Variants in STXBP5L observed in about 807,000 individuals in gnomAD.
The protein encoded by STXBP5L is syntaxin-binding protein 5-like.
STXBP5L carries 65 observed loss-of-function variants against 144.5 expected under a neutral mutation model. That is an observed-to-expected ratio of 0.45 (90% confidence interval 0.37 to 0.55). STXBP5L has a LOEUF of 0.55. STXBP5L is among the 20% of genes least tolerant of loss of function. STXBP5L has a pLI of 0.00. For synonymous variants in STXBP5L, 505 were observed against 469.6 expected (o/e 1.08, Z -0.97); for missense variants, 1,298 against 1,405.5 (o/e 0.92, Z 1.22).
intron 23 of STXBP5L, among the ~76,000 whole-genome samples, chr3:121,408,429 TCA>T (rs2047043216): frequency 6.6e-6 from 1 of 150,780 alleles, no homozygotes; most frequent in Non-Finnish European, 1.5e-5. Context: ...CTTAAGAAAC[TCA>T]CTGTCTAACT....
At position 121,045,539 on chromosome 3, in the gene STXBP5L, A is replaced by G. The variant is rs1273523138; in HGVS notation, c.470+4A>G. The G allele has an allele frequency of 1.2e-6, 2 of 1,604,586 alleles. No individual in the cohort carries two copies. The highest frequency in any genetic ancestry group is 8.5e-7 in the Non-Finnish European group (1 of 1,176,988). ...CTCTTAAATTTAACCGGGAACGGTA[A>G]GAACCTATGAATTAAACAATTTCTT... On this transcript the variant is annotated splice_donor_region_variant and intron_variant, in intron 5 of 26. Transcript: ENST00000471454.
At chr3:121,281,253 T>C (rs543196020) in intron 19 of STXBP5L, among the ~76,000 whole-genome samples, 2 of 151,984 alleles carry the variant, frequency 1.3e-5, no homozygotes, top group South Asian at 4.1e-4. Context: ...AATTTCTCTT[T>C]CAGAAACCAA....
At chr3:121,370,788 A>G (rs891591447) in intron 20 of STXBP5L, among the ~76,000 whole-genome samples, 4 of 152,146 alleles carry the variant, frequency 2.6e-5, no homozygotes, top group Non-Finnish European at 5.9e-5. Flanking sequence ...TCCTCAGCTT[A>G]GTCTATTCTG....
intron 5 of STXBP5L, among the ~76,000 whole-genome samples, chr3:121,068,374 C>A (rs2041647845): frequency 1.3e-5 from 2 of 152,268 alleles, no homozygotes; most frequent in African/African-American, 4.8e-5. Flanking sequence ...AGGTTTTTAT[C>A]TGCCATATTT....
chr3:120,923,843 A>G (rs935668091), intron 2 of STXBP5L, among the ~76,000 whole-genome samples: 1 of 152,152 alleles, frequency 6.6e-6, no homozygotes, highest in Non-Finnish European at 1.5e-5. Flanking sequence ...ATAAATGCCA[A>G]TTAGGCCTAT....
intron 2 of STXBP5L, among the ~76,000 whole-genome samples, chr3:120,929,154 T>C (rs911878718): frequency 6.6e-6 from 1 of 152,148 alleles, no homozygotes; most frequent in African/African-American, 2.4e-5. Context: ...GGAAGTGTTG[T>C]GAATGAGGGA....
At chr3:121,075,464 A>T (rs887622466) in intron 5 of STXBP5L, among the ~76,000 whole-genome samples, 1 of 152,026 alleles carries the variant, frequency 6.6e-6, no homozygotes, top group Non-Finnish European at 1.5e-5. Context: ...CCTCATCTTG[A>T]TTTACAAACA....
chr3:121,371,553 G>A (rs147517512), intron 20 of STXBP5L, among the ~76,000 whole-genome samples: 1 of 152,186 alleles, frequency 6.6e-6, no homozygotes, highest in Non-Finnish European at 1.5e-5. Context: ...GCAGCAGGGT[G>A]CTGGTAGGTA....
intron 13 of STXBP5L, among the ~76,000 whole-genome samples, chr3:121,239,758 A>C (rs2049605275): frequency 6.6e-6 from 1 of 150,730 alleles, no homozygotes; most frequent in Non-Finnish European, 1.5e-5. Flanking sequence ...ACCTAATGCT[A>C]GATGACGAGT....
At chr3:120,989,030 A>G (rs1488563466) in intron 3 of STXBP5L, among the ~76,000 whole-genome samples, 2 of 152,082 alleles carry the variant, frequency 1.3e-5, no homozygotes, top group Admixed American at 6.6e-5. Flanking sequence ...ATTCCATGGA[A>G]TATATATACA....
intron 9 of STXBP5L, among the ~76,000 whole-genome samples, chr3:121,186,250 C>T (rs1476605909): frequency 9.2e-5 from 14 of 152,210 alleles, no homozygotes; most frequent in Admixed American, 6.5e-4. Context: ...CAAACAGGGA[C>T]AATTTGACTT....
At chr3:120,990,975 C>G (rs1389664174) in intron 3 of STXBP5L, among the ~76,000 whole-genome samples, 2 of 152,180 alleles carry the variant, frequency 1.3e-5, no homozygotes, top group Admixed American at 6.5e-5. Context: ...CCAAAACTGA[C>G]AAATGGGATC....
intron 3 of STXBP5L, among the ~76,000 whole-genome samples, chr3:120,984,208 C>G (rs1234941322): frequency 6.6e-6 from 1 of 152,314 alleles, no homozygotes; most frequent in Admixed American, 6.5e-5. Flanking sequence ...GGTCTAGAGT[C>G]TCTGTGAGTG....
At position 121,219,181 on chromosome 3, in the gene STXBP5L, G is replaced by A. The variant is rs149023771; in HGVS notation, c.957-3822G>A. ...ACTACTTTATTACCTCTGGAGCTTA[G>A]CACACAAGGAGGTTAAAAAGCAGAG... is the stretch of plus-strand genomic sequence containing the variant. On this transcript the variant is annotated intron_variant, in intron 10 of 26. Transcript: ENST00000471454. Among the ~76,000 whole-genome samples, 70 of 152,190 alleles carry A rather than the reference G, an allele frequency of 4.6e-4. 1 individual carries two copies. The highest frequency in any genetic ancestry group is 1.5e-3 in the African/African-American group (64 of 41,516).
intron 5 of STXBP5L, among the ~76,000 whole-genome samples, chr3:121,093,511 G>T (rs1003562561): frequency 6.6e-6 from 1 of 152,204 alleles, no homozygotes; most frequent in Non-Finnish European, 1.5e-5. Flanking sequence ...GAGGGTATAT[G>T]TGTCGAGGAA....
chr3:121,327,595 T>C (rs1200990842), intron 20 of STXBP5L, among the ~76,000 whole-genome samples: 1 of 152,206 alleles, frequency 6.6e-6, no homozygotes, highest in Non-Finnish European at 1.5e-5. Context: ...TGTAACTAGG[T>C]AAGTGATTAA....
chr3:121,392,768 G>C (rs1420471899), intron 22 of STXBP5L, among the ~76,000 whole-genome samples: 1 of 61,434 alleles, frequency 1.6e-5, no homozygotes, highest in African/African-American at 6.1e-5. Flanking sequence ...AGTATTTCAT[G>C]GCATATATAT....
chr3:121,320,417 G>A (rs368254253), intron 20 of STXBP5L, among the ~76,000 whole-genome samples: 54 of 151,798 alleles, frequency 3.6e-4, no homozygotes, highest in African/African-American at 1.0e-3. Context: ...GATTATCTAC[G>A]TATCTAAGTA....
chr3:121,292,900 G>A (rs2051496820), intron 19 of STXBP5L, among the ~76,000 whole-genome samples: 1 of 152,156 alleles, frequency 6.6e-6, no homozygotes, highest in South Asian at 2.1e-4. Context: ...TGGGAGGTAG[G>A]TGAGGGATAA....
Sources: gnomAD v4.1 joint callset for allele counts (sites outside exome capture counted in the v4.1 genomes callset) on GRCh38, gnomAD v4.1.1 for gene constraint, MANE v1.5 for transcripts, NCBI Gene and HGNC (gene_info 2026-07-23, HGNC 2026-07-21) for gene names.